The following AUTS2 variants were observed in gnomAD, a reference collection of about 807,000 sequenced individuals.
The protein encoded by AUTS2 is activator of transcription and developmental regulator AUTS2.
In AUTS2, 17 loss-of-function variants were observed where a neutral mutation model predicts 112.4. The observed-to-expected ratio is 0.15, with a 90% CI of 0.10 to 0.23. The LOEUF (loss-of-function observed/expected upper bound fraction) is 0.23, where lower values mean the gene tolerates loss of function less well. Ranked by LOEUF, AUTS2 falls within the 10% of genes least tolerant of loss-of-function variation. AUTS2 has a pLI of 1.00. For synonymous variants in AUTS2, 751 were observed against 702.7 expected, an observed-to-expected ratio of 1.07 and a Z score of -1.09; for missense variants, 1,510 against 1,701.6, an observed-to-expected ratio of 0.89 and a Z score of 1.98.
chr7:70,780,123 A>G (rs73170221), intron 14 of AUTS2, among the ~76,000 whole-genome samples: 1 of 152,018 alleles, frequency 6.6e-6, no homozygotes, highest in South Asian at 2.1e-4. Flanking sequence ...GGGAAATTCA[A>G]CTAGAAGCTT....
chr7:70,732,101 T>C (rs995496280), intron 6 of AUTS2, among the ~76,000 whole-genome samples: 2 of 152,226 alleles, frequency 1.3e-5, no homozygotes, highest in African/African-American at 4.8e-5. Context: ...AATTAATGTC[T>C]ATAAGGGTAT....
intron 1 of AUTS2, among the ~76,000 whole-genome samples, chr7:69,775,235 T>C (rs1200868422): frequency 6.6e-6 from 1 of 152,192 alleles, no homozygotes; most frequent in Non-Finnish European, 1.5e-5. Flanking sequence ...TGGTGGCTAA[T>C]GGCAGGGTGG....
intron 1 of AUTS2, among the ~76,000 whole-genome samples, chr7:69,686,333 A>G (rs899210376): frequency 2.6e-5 from 4 of 152,178 alleles, no homozygotes; most frequent in African/African-American, 9.7e-5. Context: ...AGGGTTCATA[A>G]TAGAAAGTAA....
At chr7:69,881,749 T>G (rs1380711948) in intron 1 of AUTS2, among the ~76,000 whole-genome samples, 1 of 152,182 alleles carries the variant, frequency 6.6e-6, no homozygotes, top group Non-Finnish European at 1.5e-5. Flanking sequence ...CTTATTTGCA[T>G]GTCTCATAAA....
intron 6 of AUTS2, among the ~76,000 whole-genome samples, chr7:70,742,672 G>A (rs1190172114): frequency 2.0e-5 from 3 of 152,182 alleles, no homozygotes; most frequent in Admixed American, 1.3e-4. Context: ...TGAGGCAGGA[G>A]AATAGCTTGA....
chr7:70,275,811 A>G (rs2129609673), intron 4 of AUTS2, among the ~76,000 whole-genome samples: 1 of 152,156 alleles, frequency 6.6e-6, no homozygotes, highest in South Asian at 2.1e-4. Flanking sequence ...GTAAAAAAGG[A>G]TGTGTTTGCT....
intron 6 of AUTS2, chr7:70,729,210 C>T (rs778824242): frequency 2.2e-6 from 1 of 456,510 alleles, no homozygotes; most frequent in South Asian, 1.5e-5. Context: ...GCTCCCGTGC[C>T]GATGGTTAAA....
chr7:69,892,724 T>G (rs1475947610), intron 1 of AUTS2, among the ~76,000 whole-genome samples: 2 of 152,206 alleles, frequency 1.3e-5, no homozygotes, highest in African/African-American at 4.8e-5. Context: ...CTTAGAAATT[T>G]TATGGTTTTA....
intron 6 of AUTS2, among the ~76,000 whole-genome samples, chr7:70,716,132 C>T (rs1242263542): frequency 3.3e-5 from 5 of 152,154 alleles, no homozygotes; most frequent in African/African-American, 9.7e-5. Context: ...AGGCTGCCCA[C>T]GTATATTGAG....
At chr7:69,601,598 T>G (rs1186978022) in intron 1 of AUTS2, among the ~76,000 whole-genome samples, 4 of 151,730 alleles carry the variant, frequency 2.6e-5, no homozygotes, top group African/African-American at 4.8e-5. Context: ...GATGGTGATG[T>G]TGGTGGTATT....
rs147003998 is a variant in AUTS2, at chr7:70,685,668, C to T, written c.691-12901C>T. 3.3e-5 allele frequency among the ~76,000 whole-genome samples: 5 copies of T among 152,006 alleles called. No individual in the cohort carries two copies. The East Asian group carries it at 9.7e-4, about 29-fold the overall frequency. On this transcript the variant is annotated intron_variant, in intron 5 of 18. Coordinates refer to ENST00000342771, the MANE Select transcript of AUTS2 (RefSeq NM_015570.4). Reference sequence around the variant, plus strand: ...GTCATTCCAGCATCCAACTGAGGAACATCTAAGGTGGTTTCAGGGCCCTCT... The same window carrying T: ...GTCATTCCAGCATCCAACTGAGGAATATCTAAGGTGGTTTCAGGGCCCTCT...
intron 1 of AUTS2, among the ~76,000 whole-genome samples, chr7:69,849,523 A>G (rs1177461685): frequency 6.6e-6 from 1 of 151,796 alleles, no homozygotes; most frequent in Non-Finnish European, 1.5e-5. Context: ...CACCTTCCCT[A>G]TCCTCCCCTC....
At chr7:70,379,059 T>A (rs1585078169) in intron 4 of AUTS2, among the ~76,000 whole-genome samples, 1 of 152,194 alleles carries the variant, frequency 6.6e-6, no homozygotes, top group East Asian at 1.9e-4. Context: ...TTTTTTAAGT[T>A]GCTGGATATA....
At chr7:70,100,476 C>T (rs1804426185) in intron 2 of AUTS2, among the ~76,000 whole-genome samples, 1 of 151,308 alleles carries the variant, frequency 6.6e-6, no homozygotes, top group East Asian at 1.9e-4. Context: ...ATGTGCACAA[C>T]ATGCAAGTTT....
chr7:70,444,309 G>A (rs1796231091), intron 5 of AUTS2, among the ~76,000 whole-genome samples: 3 of 151,124 alleles, frequency 2.0e-5, no homozygotes, highest in Admixed American at 2.0e-4. Context: ...AGAGTGTTCT[G>A]TCTTCAATGA....
rs73432152 is a variant in AUTS2, at chr7:69,982,954, A to G, written c.522+83456A>G. The stretch of plus-strand genomic sequence containing the variant: ...TAGAGCTGAAGAGCCATTTAGTTCA[A>G]TCCCATCAATCTGCAAATGTGAACA... On this transcript the variant is annotated intron_variant, in intron 2 of 18. Coordinates refer to ENST00000342771, the MANE Select transcript of AUTS2 (RefSeq NM_015570.4). Among the ~76,000 whole-genome samples, 747 of 152,300 alleles carry G rather than the reference A, an allele frequency of 4.9e-3. 8 individuals carry two copies. Among genetic ancestry groups the G allele is most frequent in the African/African-American group, 0.017 (704 of 41,560 alleles).
At chr7:70,347,461 G>A (rs568676819) in intron 4 of AUTS2, among the ~76,000 whole-genome samples, 2 of 152,146 alleles carry the variant, frequency 1.3e-5, no homozygotes, top group African/African-American at 4.8e-5. Context: ...GGCATGTATG[G>A]GTGAATATTC....
Position 70,564,871 on chromosome 7 carries a change from G to A in AUTS2, c.690+129090G>A, listed in dbSNP as rs757125899. 1.4e-3 allele frequency among the ~76,000 whole-genome samples: 214 copies of A among 152,104 alleles called. 3 individuals carry two copies. Among genetic ancestry groups the A allele is most frequent in the South Asian group, 1.5e-3 (7 of 4,826 alleles). The stretch of plus-strand genomic sequence containing the variant: ...TCCCAGCACTTTGGGAGGCCGAGGC[G>A]GATGGATCACAAGGTCAGGAGTTCA... On this transcript the variant is annotated intron_variant, in intron 5 of 18. Coordinates refer to ENST00000342771, the MANE Select transcript of AUTS2 (RefSeq NM_015570.4).
intron 1 of AUTS2, among the ~76,000 whole-genome samples, chr7:69,623,381 ATTTTTTTTTTTTT>A (rs56204810): frequency 2.4e-4 from 17 of 71,944 alleles, no homozygotes; most frequent in African/African-American, 7.6e-4. Context: ...ACGCCCAGCA[ATTTTTTTTTTTTT>A]TTTTTTTTTT....
Sources: gnomAD v4.1 joint callset for allele counts (sites outside exome capture counted in the v4.1 genomes callset) on GRCh38, gnomAD v4.1.1 for gene constraint, MANE v1.5 for transcripts, NCBI Gene and HGNC (gene_info 2026-07-23, HGNC 2026-07-21) for gene names.